ACTR3B: variants seen among roughly 807,000 people sequenced by gnomAD.
The protein encoded by ACTR3B is actin related protein 3B.
A neutral mutation model predicts 59.0 loss-of-function variants in ACTR3B; 8 were observed. The ratio of observed to expected loss-of-function variants is 0.14; its 90% CI spans 0.08 to 0.24. ACTR3B has a LOEUF of 0.24. Among genes scored for constraint, ACTR3B ranks in the 10% least tolerant of loss-of-function variants. The pLI is 1.00. For missense variants in ACTR3B, 245 were observed against 552.3 expected, an observed-to-expected ratio of 0.44 and a Z score of 5.58; for synonymous variants, 148 against 197.9, an observed-to-expected ratio of 0.75 and a Z score of 2.12.
chr7:152,793,356 A>T (rs1590272217), intron 2 of ACTR3B, among the ~76,000 whole-genome samples: 6 of 111,406 alleles, frequency 5.4e-5, no homozygotes, highest in Admixed American at 9.7e-5. Context: ...CTTCCAGTCT[A>T]TTTTCTCTCT....
intron 1 of ACTR3B, among the ~76,000 whole-genome samples, chr7:152,765,211 G>A (rs1476730845): frequency 1.4e-5 from 2 of 142,400 alleles, no homozygotes; most frequent in African/African-American, 5.2e-5. Flanking sequence ...TCCGCCTCCC[G>A]GGTTCAAGTG....
intron 2 of ACTR3B, among the ~76,000 whole-genome samples, 161 bp downstream of exon 2, chr7:152,783,403 T>G (rs1169739520): frequency 2.6e-5 from 4 of 152,262 alleles, no homozygotes; most frequent in Non-Finnish European, 4.4e-5. Flanking sequence ...TGTTCCATTC[T>G]GATAAAGCCC....
Position 152,814,599 on chromosome 7 carries a change from T to C in ACTR3B, c.386T>C (p.Ile129Thr). The C allele has an allele frequency of 6.2e-7, 1 of 1,613,646 alleles. No homozygotes were observed. The highest frequency in any genetic ancestry group is 8.5e-7 in the Non-Finnish European group (1 of 1,179,730). ...TPENREYLAEIMFESFNVPGL... is the reference protein window; with the variant it reads ...TPENREYLAETMFESFNVPGL... ...GAAAACAGAGAGTATCTTGCAGAAA[T>C]TATGTTTGAATCATTTAACGTACCA... Residue 129 changes from isoleucine (I) to threonine (T), a missense_variant, in exon 5 of 12, where the codon ATT (isoleucine) becomes ACT (threonine). Ile to Thr is a moderately conservative substitution (Grantham distance 89). This residue lies in a region of ACTR3B where 40 missense variants were observed against 70.4 expected (regional missense o/e 0.57). Transcript: ENST00000256001.
intron 4 of ACTR3B, chr7:152,813,406 G>T (rs1292022793): frequency 6.6e-6 from 1 of 151,988 alleles, no homozygotes; most frequent in Admixed American, 6.6e-5. Context: ...TTCTGTTTCT[G>T]TTGTCTGTCA....
At chr7:152,768,732 C>T (rs1289628441) in intron 1 of ACTR3B, among the ~76,000 whole-genome samples, 2 of 150,222 alleles carry the variant, frequency 1.3e-5, no homozygotes, top group African/African-American at 4.9e-5. Context: ...CACCTTGGCC[C>T]CTCAAAGTGC....
At position 152,780,844 on chromosome 7, in the gene ACTR3B, A is replaced by AT. The variant is rs142260998; in HGVS notation, c.45-2325dup. 3.0e-3 allele frequency among the ~76,000 whole-genome samples: 404 copies of AT among 132,860 alleles called. 1 individual carries two copies. Among genetic ancestry groups the AT allele is most frequent in the African/African-American group, 7.2e-3 (256 of 35,408 alleles). 87.2% of individuals were successfully genotyped at this position (132,860 alleles called of 152,430 possible). On this transcript the variant is annotated intron_variant, in intron 1 of 11. Transcript: ENST00000256001. Reference sequence around the variant, plus strand: ...TTGTTTGTTTTTTTTAACTTTTCAGATTTTTTTTTTTTTTTTTTCGAGACA... The same window carrying AT: ...TTGTTTGTTTTTTTTAACTTTTCAGATTTTTTTTTTTTTTTTTTTCGAGACA...
chr7:152,786,193 A>C (rs1261225937), intron 2 of ACTR3B, among the ~76,000 whole-genome samples: 9 of 86,140 alleles, frequency 1.0e-4, no homozygotes, highest in Non-Finnish European at 1.4e-4. Context: ...TAGACATTCA[A>C]TATTGGAAGA....
At chr7:152,798,013 C>G (rs2116716969) in intron 2 of ACTR3B, among the ~76,000 whole-genome samples, 1 of 152,210 alleles carries the variant, frequency 6.6e-6, no homozygotes, top group Non-Finnish European at 1.5e-5. Context: ...GCAGATAGCT[C>G]TTTAACATAC....
At chr7:152,823,560 A>C in intron 8 of ACTR3B, 45 bp downstream of exon 8, 1 of 1,597,402 alleles carries the variant, frequency 6.3e-7, no homozygotes. Flanking sequence ...GGATGGAGCG[A>C]TACTGCCACC....
chr7:152,834,431 A>G (rs1368935146), intron 9 of ACTR3B, among the ~76,000 whole-genome samples: 5 of 152,152 alleles, frequency 3.3e-5, no homozygotes, highest in African/African-American at 1.2e-4. Context: ...TGGGATTACA[A>G]GTGTGAGCCA....
At chr7:152,835,589 G>A (rs1023128320) in intron 9 of ACTR3B, among the ~76,000 whole-genome samples, 3 of 152,162 alleles carry the variant, frequency 2.0e-5, no homozygotes, top group African/African-American at 7.2e-5. Flanking sequence ...TGGGAAAATG[G>A]CGCTGACAGA....
At chr7:152,818,306 C>T (rs1381930128) in intron 6 of ACTR3B, among the ~76,000 whole-genome samples, 2 of 152,164 alleles carry the variant, frequency 1.3e-5, no homozygotes, top group Admixed American at 6.5e-5. Context: ...TTAATCGTAT[C>T]TTAGTTCAGT....
Position 152,824,716 on chromosome 7 carries a change from G to A in ACTR3B, c.859-314G>A, listed in dbSNP as rs1023486676. On this transcript the variant is annotated intron_variant, in intron 8 of 11. Transcript: ENST00000256001. This position sits in a 1 kb window ranked among gnomAD's most constrained non-coding sequence, Gnocchi z 4.2. ...TTTCTCACTGCGTGTCACATAGATC[G>A]TGCACATACTCTCCACTGCTCTTAG... Among the ~76,000 whole-genome samples, 2 of 151,962 alleles carry A rather than the reference G, an allele frequency of 1.3e-5. No individual in the cohort carries two copies. Among genetic ancestry groups the A allele is most frequent in the Admixed American group, 6.6e-5 (1 of 15,250 alleles).
At chr7:152,781,093 A>G (rs1277970860) in intron 1 of ACTR3B, among the ~76,000 whole-genome samples, 1 of 151,858 alleles carries the variant, frequency 6.6e-6, no homozygotes, top group Non-Finnish European at 1.5e-5. Flanking sequence ...GATCTTAACC[A>G]GTATAGGATA....
chr7:152,799,751 A>T (rs1281749814), intron 2 of ACTR3B, among the ~76,000 whole-genome samples: 1 of 152,240 alleles, frequency 6.6e-6, no homozygotes, highest in East Asian at 1.9e-4. Flanking sequence ...TCGAGACCTG[A>T]TGAATGAAAA....
intron 1 of ACTR3B, among the ~76,000 whole-genome samples, chr7:152,777,734 T>TG (rs1213522570): frequency 1.3e-5 from 2 of 152,168 alleles, no homozygotes; most frequent in Non-Finnish European, 2.9e-5. Context: ...GTGGATCGCC[T>TG]GAGGCCAGGA....
intron 2 of ACTR3B, among the ~76,000 whole-genome samples, chr7:152,796,215 C>T (rs1001117099): frequency 6.6e-6 from 1 of 152,118 alleles, no homozygotes; most frequent in African/African-American, 2.4e-5. Context: ...GTTAACTTTC[C>T]TCCTTCAATT....
At chr7:152,839,225 G>A in intron 9 of ACTR3B, among the ~76,000 whole-genome samples, 1 of 143,948 alleles carries the variant, frequency 6.9e-6, no homozygotes, top group Non-Finnish European at 1.5e-5. Context: ...AGTGTGGACT[G>A]GTGGTTAGAG....
rs538901767 is a variant in ACTR3B at position 152,827,043 on chromosome 7, G to A, written c.951+1921G>A. Among the ~76,000 whole-genome samples the A allele has an allele frequency of 4.3e-3, 641 of 150,478 alleles. 2 individuals are homozygous for A. The highest frequency in any genetic ancestry group is 0.039 in the South Asian group (182 of 4,652). On this transcript the variant is annotated intron_variant, in intron 9 of 11. Coordinates refer to ENST00000256001, the MANE Select transcript of ACTR3B (RefSeq NM_020445.6). ...GTTGCCCGTGCTGGAGTGCAGTGGC[G>A]TGATCACAGCTCACTGCAGCCTCGA...
Sources: gnomAD v4.1 joint callset for allele counts (sites outside exome capture counted in the v4.1 genomes callset) on GRCh38, gnomAD v4.1.1 for gene constraint, gnomAD v4.1.1 regional missense constraint, Gnocchi (gnomAD v3.1) non-coding constraint, MANE v1.5 for transcripts, NCBI Gene and HGNC (gene_info 2026-07-23, HGNC 2026-07-21) for gene names.